CKAP5: variants seen among roughly 807,000 people sequenced by gnomAD.
CKAP5 encodes the protein cytoskeleton associated protein 5.
In CKAP5, 27 loss-of-function variants were observed where a neutral mutation model predicts 232.8. That is an observed-to-expected ratio of 0.12 (90% CI 0.09 to 0.16). CKAP5 has a LOEUF of 0.16. CKAP5 is among the 10% of genes least tolerant of loss of function. The pLI is 1.00. For missense variants in CKAP5, 1,838 were observed against 2,424.7 expected (o/e 0.76, Z 5.08); for synonymous variants, 785 against 841.1 (o/e 0.93, Z 1.16).
At chr11:46,841,267 C>CAA (rs763747323) in intron 1 of CKAP5, among the ~76,000 whole-genome samples, 38 of 105,546 alleles carry the variant, frequency 3.6e-4, no homozygotes, top group African/African-American at 1.1e-3. Flanking sequence ...AATTCTGTCT[C>CAA]AAAAAAAAAA....
At chr11:46,835,034 C>T (rs908997921) in intron 1 of CKAP5, among the ~76,000 whole-genome samples, 26 of 151,522 alleles carry the variant, frequency 1.7e-4, no homozygotes, top group African/African-American at 6.3e-4. Flanking sequence ...TTATATTTTA[C>T]AGCTTTCGTT....
chr11:46,794,368 G>A (rs1938816985), intron 13 of CKAP5, among the ~76,000 whole-genome samples: 1 of 152,200 alleles, frequency 6.6e-6, no homozygotes, highest in East Asian at 1.9e-4. Flanking sequence ...AAAGGCTGAG[G>A]TGGGAGGATT....
At chr11:46,825,931 A>C (rs1399929612) in intron 1 of CKAP5, among the ~76,000 whole-genome samples, 1 of 152,168 alleles carries the variant, frequency 6.6e-6, no homozygotes, top group Admixed American at 6.5e-5. Context: ...CCCATCTCTG[A>C]GTAGCAGGTG....
chr11:46,753,759 G>C (rs1187615624), intron 36 of CKAP5, among the ~76,000 whole-genome samples: 1 of 150,360 alleles, frequency 6.7e-6, no homozygotes, highest in Admixed American at 6.6e-5. Context: ...GCTAATTTTT[G>C]TATTTTTTTT....
chr11:46,817,969 T>C (rs973708249), intron 3 of CKAP5, among the ~76,000 whole-genome samples: 1 of 152,250 alleles, frequency 6.6e-6, no homozygotes, highest in Admixed American at 6.5e-5. Flanking sequence ...ATAATTCCTT[T>C]ACTGACAATC....
chr11:46,767,534 T>A (rs914110913), intron 27 of CKAP5, 41 bp downstream of exon 27: 10 of 1,304,086 alleles, frequency 7.7e-6, no homozygotes, highest in Non-Finnish European at 1.1e-5. Context: ...TAAAATATAT[T>A]TAAAAGCAAG....
At chr11:46,834,378 G>A (rs1422780455) in intron 1 of CKAP5, among the ~76,000 whole-genome samples, 1 of 151,744 alleles carries the variant, frequency 6.6e-6, no homozygotes, top group Admixed American at 6.6e-5. Context: ...AATTAGCCAG[G>A]CATGGTGGTA....
At chr11:46,784,458 C>T (rs2065370005) in intron 17 of CKAP5, 30 bp downstream of exon 17, 1 of 1,549,522 alleles carries the variant, frequency 6.5e-7, no homozygotes, top group African/African-American at 1.4e-5. Flanking sequence ...ATTGGGAAAA[C>T]TAGAGGAATA....
chr11:46,776,896 ATATT>A (rs1274179382), intron 23 of CKAP5, among the ~76,000 whole-genome samples: 2 of 152,186 alleles, frequency 1.3e-5, no homozygotes, highest in Non-Finnish European at 2.9e-5. Context: ...AGATATTCAA[ATATT>A]TAGTCTACGG....
At position 46,756,825 on chromosome 11, in the gene CKAP5, G is replaced by T. The variant is rs1175011511; in HGVS notation, c.4690-1758C>A. Among the ~76,000 whole-genome samples, 4 of 147,648 alleles carry T rather than the reference G, an allele frequency of 2.7e-5. No individual in the cohort carries two copies. In the South Asian group the frequency reaches 6.4e-4, roughly 24 times the overall value. On this transcript the variant is annotated intron_variant, in intron 35 of 43. Transcript: ENST00000529230. Reference sequence around the variant, plus strand: ...GGCTGGAGTGCAATGGCACAATCTTGGCTCATAGCAACCTCCACCTCCCGG... The same window carrying T: ...GGCTGGAGTGCAATGGCACAATCTTTGCTCATAGCAACCTCCACCTCCCGG...
chr11:46,836,436 G>A (rs1379844923), intron 1 of CKAP5, among the ~76,000 whole-genome samples: 2 of 152,214 alleles, frequency 1.3e-5, no homozygotes. Flanking sequence ...CACTAGGTCA[G>A]GCACAGTGGC....
chr11:46,833,143 A>G (rs1939831536), intron 1 of CKAP5, among the ~76,000 whole-genome samples: 1 of 151,974 alleles, frequency 6.6e-6, no homozygotes, highest in South Asian at 2.1e-4. Flanking sequence ...TCTAATCTAG[A>G]CTGGGGCAGC....
chr11:46,759,688 T>C (rs921401629), intron 33 of CKAP5, among the ~76,000 whole-genome samples: 2 of 152,232 alleles, frequency 1.3e-5, no homozygotes, highest in Admixed American at 6.5e-5. Context: ...TTATAAGTAT[T>C]TGTTCTAGTT....
At chr11:46,764,437 T>A (rs570067198) in intron 28 of CKAP5, among the ~76,000 whole-genome samples, 9 of 152,086 alleles carry the variant, frequency 5.9e-5, no homozygotes, top group Non-Finnish European at 1.0e-4. Context: ...ATACAAACAG[T>A]GATACACACA....
intron 1 of CKAP5, 37 bp from the exon 2 acceptor site, chr11:46,821,305 G>C: frequency 1.0e-6 from 1 of 982,444 alleles, no homozygotes; most frequent in Non-Finnish European, 1.6e-6. Flanking sequence ...TTAGCAACCA[G>C]GCAGTCTCTT....
chr11:46,846,054 C>A (rs1178206048), intron 1 of CKAP5, among the ~76,000 whole-genome samples, 166 bp downstream of exon 1: 2 of 151,776 alleles, frequency 1.3e-5, no homozygotes, highest in African/African-American at 4.8e-5. Context: ...CGCCGCAGGT[C>A]CCCCGGCCTC....
chr11:46,787,189 G>A (rs1207688232), intron 16 of CKAP5, among the ~76,000 whole-genome samples: 1 of 152,034 alleles, frequency 6.6e-6, no homozygotes, highest in African/African-American at 2.4e-5. Flanking sequence ...AGAGGAAGAG[G>A]GCACCTCAAG....
rs74332994 is a variant in CKAP5, at chr11:46,799,825, C to T, written c.1083+1375G>A. Among the ~76,000 whole-genome samples the T allele has an allele frequency of 2.6e-3, 391 of 152,112 alleles. 3 individuals carry two copies. Among genetic ancestry groups the T allele is most frequent in the African/African-American group, 9.1e-3 (379 of 41,496 alleles). On this transcript the variant is annotated intron_variant, in intron 9 of 43. Coordinates refer to ENST00000529230, the MANE Select transcript of CKAP5 (RefSeq NM_001008938.4). ...ACCAGCCTGGGCAAGGTGGCAAAAC[C>T]CCATCTCTACCAAAAATACAAAAAG...
At chr11:46,771,810 G>A (rs977108643) in intron 24 of CKAP5, among the ~76,000 whole-genome samples, 3 of 152,094 alleles carry the variant, frequency 2.0e-5, no homozygotes, top group Non-Finnish European at 4.4e-5. Context: ...TGCAATTGCT[G>A]GCTCATATAG....
Sources: gnomAD v4.1 joint callset for allele counts (sites outside exome capture counted in the v4.1 genomes callset) on GRCh38, gnomAD v4.1.1 for gene constraint, MANE v1.5 for transcripts, NCBI Gene and HGNC (gene_info 2026-07-23, HGNC 2026-07-21) for gene names.